Variants in FAT3 observed in about 807,000 individuals in gnomAD.
The protein encoded by FAT3 is FAT atypical cadherin 3, also known as protocadherin Fat 3.
A neutral mutation model predicts 310.2 loss-of-function variants in FAT3; 95 were observed. That is an observed-to-expected ratio of 0.31 (90% confidence interval 0.26 to 0.36). The LOEUF is 0.36. Among genes scored for constraint, FAT3 ranks in the 10% least tolerant of loss-of-function variants. The pLI is 1.00. For missense variants in FAT3, 5,408 were observed against 5,715.6 expected (o/e 0.95, Z 1.74); for synonymous variants, 2,314 against 2,192.9 (o/e 1.06, Z -1.54).
At chr11:92,413,582 C>G (rs900065587) in intron 2 of FAT3, among the ~76,000 whole-genome samples, 1 of 152,150 alleles carries the variant, frequency 6.6e-6, no homozygotes, top group African/African-American at 2.4e-5. Flanking sequence ...TTGAGAGCTT[C>G]CTCTGTCTGA....
chr11:92,758,694 G>A (rs1440600758), intron 4 of FAT3, among the ~76,000 whole-genome samples: 1 of 152,222 alleles, frequency 6.6e-6, no homozygotes, highest in Non-Finnish European at 1.5e-5. Flanking sequence ...AAAGGCTGAA[G>A]GCAGGGAGGC....
chr11:92,853,387 G>A (rs941251077), intron 19 of FAT3, among the ~76,000 whole-genome samples: 3 of 152,226 alleles, frequency 2.0e-5, no homozygotes, highest in Admixed American at 2.0e-4. Context: ...AGGAACCACA[G>A]AACCTCAAAG....
rs370567225 is a variant in FAT3 at position 92,867,118 on chromosome 11, G to A, written c.12036G>A (p.Thr4012=). The A allele has an allele frequency of 3.9e-4, 629 of 1,602,646 alleles. No individual in the cohort carries two copies. Among genetic ancestry groups the A allele is most frequent in the Non-Finnish European group, 5.0e-4 (585 of 1,175,374 alleles). Residue 4012 remains threonine, a synonymous_variant, in exon 22 of 28, where the codon ACG becomes ACA. Transcript: ENST00000525166. ...RSSFAEVVGL[T]ELKLGCVLYP... ...GCTTCGCGGAGGTGGTGGGCCTGAC[G>A]GAGCTGAAGCTGGGCTGCGTGCTCT... is the stretch of plus-strand genomic sequence containing the variant.
At chr11:92,571,850 C>T (rs1034917507) in intron 3 of FAT3, among the ~76,000 whole-genome samples, 3 of 152,164 alleles carry the variant, frequency 2.0e-5, no homozygotes, top group Non-Finnish European at 2.9e-5. Flanking sequence ...CTCACTATCC[C>T]GTTTTTTCTC....
rs749215492 is a variant in FAT3, at chr11:92,801,733, C to A, written c.8720C>A (p.Thr2907Lys). Residue 2907 changes from threonine to lysine, a missense_variant, in exon 10 of 28, where the codon ACG (threonine) becomes AAG (lysine). Physicochemically the swap from Thr to Lys is moderately conservative, Grantham distance 78 (BLOSUM62 -1). Coordinates refer to ENST00000525166, the MANE Select transcript of FAT3 (RefSeq NM_001367949.2). ...DLGEAFSLSS[T>K]ALVSVRVTDI... Reference sequence around the variant, plus strand: ...GGAGAGGCATTCTCTCTTTCCTCCACGGCCTTGGTCTCTGTCAGAGTGACA... The same window carrying A: ...GGAGAGGCATTCTCTCTTTCCTCCAAGGCCTTGGTCTCTGTCAGAGTGACA... 6.2e-7 allele frequency: 1 copy of A among 1,613,832 alleles called. No homozygotes were observed. The highest frequency in any genetic ancestry group is 1.1e-5 in the South Asian group (1 of 91,080).
chr11:92,478,948 C>CT (rs1555058203), intron 2 of FAT3, among the ~76,000 whole-genome samples: 10,367 of 114,486 alleles, frequency 0.091, 686 homozygotes, highest in African/African-American at 0.15. Context: ...TTCTTTCTTT[C>CT]TTTCTTTTCT....
Position 92,709,552 on chromosome 11 carries a change from C to T in FAT3, c.3669+12107C>T, listed in dbSNP as rs548013888. On this transcript the variant is annotated intron_variant, in intron 4 of 27. Transcript: ENST00000525166. Reference sequence around the variant, plus strand: ...CGTAGGAGGAAGGGTCAGATTACTCCGCTTTGTACCCCAGCACCTAAAACA... The same window carrying T: ...CGTAGGAGGAAGGGTCAGATTACTCTGCTTTGTACCCCAGCACCTAAAACA... Among the ~76,000 whole-genome samples the T allele has an allele frequency of 2.6e-5, 4 of 152,258 alleles. No individual in the cohort carries two copies. The East Asian group carries it at 5.8e-4, about 22-fold the overall frequency.
At chr11:92,474,969 C>T (rs967605042) in intron 2 of FAT3, among the ~76,000 whole-genome samples, 1 of 152,214 alleles carries the variant, frequency 6.6e-6, no homozygotes, top group Non-Finnish European at 1.5e-5. Context: ...TGATGATCTG[C>T]ACCTGGCAGG....
chr11:92,273,563 C>A (rs1946186390), intron 1 of FAT3, among the ~76,000 whole-genome samples: 1 of 152,036 alleles, frequency 6.6e-6, no homozygotes, highest in Admixed American at 6.6e-5. Context: ...TAATATCATA[C>A]ACTTTATCAA....
In FAT3 at chr11:92,792,976, A is replaced by G. The variant is rs1247274694; in HGVS notation, c.4821A>G (p.Ala1607=). 1.2e-6 allele frequency: 2 copies of G among 1,613,350 alleles called. No individual in the cohort carries two copies. Among genetic ancestry groups the G allele is most frequent in the Non-Finnish European group, 1.7e-6 (2 of 1,179,570 alleles). Reference sequence around the variant, plus strand: ...CAGAACTCATATATACCATAGAAGCAGGTGAGAGCTGTTGCACTGCACAGA... The same window carrying G: ...CAGAACTCATATATACCATAGAAGCGGGTGAGAGCTGTTGCACTGCACAGA... ...ENAELIYTIE[A]GNTGNMFKIE... Residue 1607 remains alanine, a splice_region_variant and synonymous_variant, in exon 9 of 28, where the codon GCA becomes GCG. Coordinates refer to ENST00000525166, the MANE Select transcript of FAT3 (RefSeq NM_001367949.2).
At chr11:92,789,518 T>C (rs1281197956) in intron 7 of FAT3, among the ~76,000 whole-genome samples, 1 of 152,140 alleles carries the variant, frequency 6.6e-6, no homozygotes, top group East Asian at 1.9e-4. Flanking sequence ...CATTGGCTCC[T>C]TTGCCTCTTC....
intron 1 of FAT3, among the ~76,000 whole-genome samples, chr11:92,286,226 G>A (rs1252600101): frequency 6.6e-6 from 1 of 152,166 alleles, no homozygotes; most frequent in Non-Finnish European, 1.5e-5. Flanking sequence ...TCAGTATGCA[G>A]TGTCTGTGGA....
chr11:92,811,831 T>C (rs1347531779), intron 13 of FAT3, among the ~76,000 whole-genome samples: 4 of 152,216 alleles, frequency 2.6e-5, no homozygotes, highest in African/African-American at 9.6e-5. Context: ...AGGAAAACTG[T>C]GGCATAAGAT....
chr11:92,334,637 A>G (rs1484143948), intron 1 of FAT3, among the ~76,000 whole-genome samples: 1 of 151,842 alleles, frequency 6.6e-6, no homozygotes, highest in Non-Finnish European at 1.5e-5. Flanking sequence ...GATTCTGCCC[A>G]TGAGTTAGGA....
At position 92,792,969 on chromosome 11, in the gene FAT3, T is replaced by C. The variant is rs770505868; in HGVS notation, c.4814T>C (p.Ile1605Thr). Reference sequence around the variant, plus strand: ...GAAAATGCAGAACTCATATATACCATAGAAGCAGGTGAGAGCTGTTGCACT... The same window carrying C: ...GAAAATGCAGAACTCATATATACCACAGAAGCAGGTGAGAGCTGTTGCACT... ...KGENAELIYT[I>T]EAGNTGNMFK... The change falls in exon 9 of 28, where the codon ATA (isoleucine) becomes ACA (threonine). Residue 1605 changes from isoleucine to threonine, a missense_variant. Transcript: ENST00000525166. 2 of 1,613,378 alleles carry C rather than the reference T, an allele frequency of 1.2e-6. No homozygotes were observed. The highest frequency in any genetic ancestry group is 1.7e-6 in the Non-Finnish European group (2 of 1,179,598).
chr11:92,441,653 A>C (rs1447717998), intron 2 of FAT3, among the ~76,000 whole-genome samples: 1 of 129,118 alleles, frequency 7.7e-6, no homozygotes, highest in Non-Finnish European at 1.6e-5. Flanking sequence ...AAAACAAAAC[A>C]AAACAAAACA....
chr11:92,668,748 A>T (rs1269746072), intron 3 of FAT3, among the ~76,000 whole-genome samples: 24 of 152,236 alleles, frequency 1.6e-4, no homozygotes, highest in Non-Finnish European at 2.8e-4. Context: ...CTGTTTTTAC[A>T]CTAGGCCTCA....
Position 92,716,608 on chromosome 11 carries a change from G to A in FAT3, c.3669+19163G>A, listed in dbSNP as rs150933062. Among the ~76,000 whole-genome samples the A allele has an allele frequency of 2.4e-3, 372 of 152,294 alleles. 1 individual carries two copies. Among genetic ancestry groups the A allele is most frequent in the African/African-American group, 8.5e-3 (354 of 41,574 alleles). On this transcript the variant is annotated intron_variant, in intron 4 of 27. Coordinates refer to ENST00000525166, the MANE Select transcript of FAT3 (RefSeq NM_001367949.2). ...TGAAGTAATCACTATGGCAACTGCAGTGTTTCTGGCACAGGTGAGTTGGAC... is the reference window on the plus strand; with the variant it reads ...TGAAGTAATCACTATGGCAACTGCAATGTTTCTGGCACAGGTGAGTTGGAC...
intron 4 of FAT3, among the ~76,000 whole-genome samples, chr11:92,757,514 C>G (rs1946034587): frequency 6.6e-6 from 1 of 152,098 alleles, no homozygotes; most frequent in Non-Finnish European, 1.5e-5. Flanking sequence ...GCTGCTACTC[C>G]TTTCATATGG....
Sources: allele counts gnomAD v4.1 joint callset (sites outside exome capture counted in the v4.1 genomes callset), GRCh38; gene constraint gnomAD v4.1.1; transcripts MANE v1.5; gene names NCBI Gene and HGNC (gene_info 2026-07-23, HGNC 2026-07-21).